KCNAB2: variants seen among roughly 807,000 people sequenced by gnomAD.
The protein encoded by KCNAB2 is voltage-gated potassium channel subunit beta-2.
Under a neutral mutation model 63.6 loss-of-function variants are expected in KCNAB2, and 29 were observed. The observed-to-expected ratio is 0.46, with a 90% CI of 0.34 to 0.62. KCNAB2 has a LOEUF of 0.62. Among genes scored for constraint, KCNAB2 ranks in the 20% least tolerant of loss-of-function variants. The probability of loss-of-function intolerance (pLI) is 0.01; values close to 1 mark genes in which losing one functional copy is unlikely to be tolerated. For missense variants in KCNAB2, 359 were observed against 563.9 expected, an observed-to-expected ratio of 0.64 and a Z score of 3.68; for synonymous variants, 222 against 224.2, an observed-to-expected ratio of 0.99 and a Z score of 0.09.
At position 6,022,922 on chromosome 1, in the gene KCNAB2, A is replaced by G. The variant is rs1570881519; in HGVS notation, c.-52-17595A>G. On this transcript the variant is annotated intron_variant, in intron 1 of 16. Coordinates refer to the KCNAB2 transcript ENST00000341524. ...TTTTTTGAGACAGGGTCTCGCTGTCACCCAGGCTGGAGGGCAGTGGCGCGA... is the reference window on the plus strand; with the variant it reads ...TTTTTTGAGACAGGGTCTCGCTGTCGCCCAGGCTGGAGGGCAGTGGCGCGA... 2.5e-5 allele frequency among the ~76,000 whole-genome samples: 3 copies of G among 122,350 alleles called. No individual in the cohort carries two copies. In the South Asian group the frequency reaches 7.4e-4, roughly 30 times the overall value. The allele number at this position is 122,350 out of a possible 152,430, so 80.3% of individuals were successfully genotyped here. A position where few individuals can be genotyped will look rare whatever the true frequency, so the allele number is the denominator to read the frequency against.
Position 6,096,505 on chromosome 1 carries a change from G to T in KCNAB2, c.949-131G>T. ...GGCCTGGGGCAGGGGCACTGCCCTG[G>T]CTTCAAGATGAGAAGAGCCCCTATG... On this transcript the variant is annotated intron_variant, in intron 13 of 15. Coordinates refer to ENST00000378083, the MANE Select transcript of KCNAB2 (RefSeq NM_001199862.2). The surrounding 1 kb of genome is among the most constrained non-coding windows in gnomAD (Gnocchi z 5.9). 7.1e-6 allele frequency: 9 copies of T among 1,270,464 alleles called. No homozygotes were observed. Among genetic ancestry groups the T allele is most frequent in the Non-Finnish European group, 9.6e-6 (9 of 935,868 alleles). The allele number at this position is 1,270,464 out of a possible 1,614,324, so 78.7% of individuals were successfully genotyped here.
At chr1:6,065,332 C>A (rs1662655856) in intron 2 of KCNAB2, among the ~76,000 whole-genome samples, 1 of 152,244 alleles carries the variant, frequency 6.6e-6, no homozygotes. Context: ...CCAGCCAAGG[C>A]AGGCGGCTTG....
At position 6,096,136 on chromosome 1, in the gene KCNAB2, C is replaced by G. The variant is rs1375863418; in HGVS notation, c.949-500C>G. 1.1e-5 allele frequency: 5 copies of G among 457,534 alleles called. No homozygotes were observed. The highest frequency in any genetic ancestry group is 2.2e-5 in the Non-Finnish European group (5 of 227,910). 28.3% of individuals were successfully genotyped at this position (457,534 alleles called of 1,614,324 possible). On this transcript the variant is annotated intron_variant, in intron 13 of 15. Transcript: ENST00000378083. This position sits in a 1 kb window ranked among gnomAD's most constrained non-coding sequence, Gnocchi z 5.9. Reference sequence around the variant, plus strand: ...GTCTGCCCAGCCAGCAGTCTCAGCACTGGGGCCCACAGCCCTGGGTTCCAG... The same window carrying G: ...GTCTGCCCAGCCAGCAGTCTCAGCAGTGGGGCCCACAGCCCTGGGTTCCAG...
upstream of KCNAB2, among the ~76,000 whole-genome samples, chr1:6,030,763 C>T (rs537902022): frequency 2.3e-4 from 28 of 121,472 alleles, no homozygotes; most frequent in African/African-American, 3.3e-4. Context: ...TGTATGTGTA[C>T]GTGTGTGTAG....
At chr1:6,082,870 C>A (rs183862674) in intron 5 of KCNAB2, among the ~76,000 whole-genome samples, 2 of 152,240 alleles carry the variant, frequency 1.3e-5, no homozygotes, top group Non-Finnish European at 2.9e-5. Context: ...CTTCTGCCCC[C>A]CTCCTGCCTG....
At chr1:6,000,433 T>A (rs1199517367) in intron 1 of KCNAB2, among the ~76,000 whole-genome samples, 2 of 152,126 alleles carry the variant, frequency 1.3e-5, no homozygotes, top group African/African-American at 2.4e-5. Flanking sequence ...CCTTCGTGCT[T>A]ACAAGGCAGT....
In KCNAB2 at chr1:6,096,081, G is replaced by A. The variant is rs772743835; in HGVS notation, c.948+457G>A. The stretch of plus-strand genomic sequence containing the variant: ...ACTCAGGAGGGTCCCCAGACTGCAG[G>A]ATCTGGAGAACAAGGAGCAGGCCAA... On this transcript the variant is annotated intron_variant, in intron 13 of 15. Transcript: ENST00000378083. This position sits in a 1 kb window ranked among gnomAD's most constrained non-coding sequence, Gnocchi z 5.9. 8 of 458,148 alleles carry A rather than the reference G, an allele frequency of 1.7e-5. No homozygotes were observed. Among genetic ancestry groups the A allele is most frequent in the Non-Finnish European group, 3.1e-5 (7 of 228,370 alleles). The allele number at this position is 458,148 out of a possible 1,614,324, so 28.4% of individuals were successfully genotyped here.
chr1:6,089,995 C>T (rs1571089867), intron 8 of KCNAB2, among the ~76,000 whole-genome samples: 1 of 152,260 alleles, frequency 6.6e-6, no homozygotes, highest in Non-Finnish European at 1.5e-5. Flanking sequence ...GGCCACCACG[C>T]CCGACCATAG....
In KCNAB2 at chr1:6,098,526, T is replaced by C. The variant is rs1159831740; in HGVS notation, c.1200T>C (p.Asp400=). 1.1e-5 allele frequency: 17 copies of C among 1,613,882 alleles called. No homozygotes were observed. Among genetic ancestry groups the C allele is most frequent in the Non-Finnish European group, 1.4e-5 (16 of 1,179,992 alleles). Residue 400 remains aspartate (D), a synonymous_variant, in exon 16 of 16, where the codon GAT becomes GAC. Transcript: ENST00000378083. ...KLSSSIIHEI[D]SILGNKPYSK... is the part of the protein sequence containing the mutation. Reference sequence around the variant, plus strand: ...CATCTTCCATTATCCACGAGATTGATAGTATTTTGGGCAATAAACCCTACA... The same window carrying C: ...CATCTTCCATTATCCACGAGATTGACAGTATTTTGGGCAATAAACCCTACA...
chr1:6,056,292 G>A (rs1282009533), intron 2 of KCNAB2, among the ~76,000 whole-genome samples: 10 of 151,982 alleles, frequency 6.6e-5, no homozygotes, highest in African/African-American at 1.2e-4. Flanking sequence ...TGACCCACTC[G>A]CCTCGGCCTC....
In KCNAB2 at chr1:6,100,616, C is replaced by T; in HGVS notation, c.*2042C>T. On this transcript the variant is annotated 3_prime_UTR_variant, in exon 16 of 16. Transcript: ENST00000378083. Reference sequence around the variant, plus strand: ...GGGCACTGCTGCTTAATGCGAGGCACACCTGGGGCAGCTGAGCCCCCAAAG... The same window carrying T: ...GGGCACTGCTGCTTAATGCGAGGCATACCTGGGGCAGCTGAGCCCCCAAAG... 1 of 132,834 alleles carries T rather than the reference C, an allele frequency of 7.5e-6. No homozygotes were observed. Among genetic ancestry groups the T allele is most frequent in the Non-Finnish European group, 1.6e-5 (1 of 62,006 alleles). 8.2% of individuals were successfully genotyped at this position (132,834 alleles called of 1,614,324 possible).
chr1:6,031,924 C>T (rs910036430), upstream of KCNAB2, among the ~76,000 whole-genome samples: 15 of 152,144 alleles, frequency 9.9e-5, no homozygotes, highest in South Asian at 2.7e-3. This position sits in a 1 kb window ranked among gnomAD's most constrained non-coding sequence, Gnocchi z 4.1. Flanking sequence ...CATGGGGCAG[C>T]GTGGAGAGGA....
Position 6,086,286 on chromosome 1 carries a change from C to G in KCNAB2, c.425+1038C>G, listed in dbSNP as rs2100740007. 5.1e-6 allele frequency: 5 copies of G among 985,064 alleles called. No homozygotes were observed. The South Asian group carries it at 2.3e-4, about 46-fold the overall frequency. 61.0% of individuals were successfully genotyped at this position (985,064 alleles called of 1,614,324 possible). On this transcript the variant is annotated intron_variant, in intron 6 of 15. Transcript: ENST00000378083. The surrounding 1 kb of genome is among the most constrained non-coding windows in gnomAD (Gnocchi z 4.2). ...ATTCCTGACACCCCTTCCTCTTGTC[C>G]CATCAAATTTGTTTTTTGGCAACTC...
chr1:6,072,883 G>A, intron 3 of KCNAB2, 85 bp downstream of exon 3: 8 of 1,362,782 alleles, frequency 5.9e-6, no homozygotes, highest in Non-Finnish European at 8.2e-6. Context: ...CCCCTTGGGA[G>A]GCAGGGTGGC....
rs189908738 is a variant in KCNAB2, at chr1:6,005,382, C to G, written c.-53+12594C>G. Among the ~76,000 whole-genome samples the G allele has an allele frequency of 6.0e-3, 15 of 2,494 alleles. 2 individuals are homozygous for G. The highest frequency in any genetic ancestry group is 0.014 in the African/African-American group (5 of 352). 1.6% of individuals were successfully genotyped at this position (2,494 alleles called of 152,430 possible). Reference sequence around the variant, plus strand: ...AGCTGAGCTGAGGAGTGAGGGTGAACTGGGGGATGTGGGAGCTGAGCTGAG... The same window carrying G: ...AGCTGAGCTGAGGAGTGAGGGTGAAGTGGGGGATGTGGGAGCTGAGCTGAG... On this transcript the variant is annotated intron_variant, in intron 1 of 16. Transcript: ENST00000341524.
At chr1:6,090,603 TC>T in intron 9 of KCNAB2, 128 bp downstream of exon 9, 1 of 685,772 alleles carries the variant, frequency 1.5e-6, no homozygotes, top group Non-Finnish European at 2.5e-6. Flanking sequence ...GGAGGCCGGG[TC>T]CAGGGTGGGG....
upstream of KCNAB2, among the ~76,000 whole-genome samples, chr1:6,029,894 A>C (rs181667412): frequency 6.6e-5 from 10 of 152,382 alleles, no homozygotes; most frequent in African/African-American, 2.4e-4. Context: ...ATGTGCAGTC[A>C]GCACTGGCAA....
At chr1:6,066,134 C>A (rs968291648) in intron 2 of KCNAB2, among the ~76,000 whole-genome samples, 4 of 152,194 alleles carry the variant, frequency 2.6e-5, no homozygotes, top group Non-Finnish European at 5.9e-5. Flanking sequence ...GCTGGGCCGA[C>A]CGGCGGCCAG....
intron 2 of KCNAB2, among the ~76,000 whole-genome samples, chr1:6,055,599 G>A (rs1661750344): frequency 6.6e-6 from 1 of 152,090 alleles, no homozygotes; most frequent in Non-Finnish European, 1.5e-5. Context: ...CAGGTGATCT[G>A]CCCACCTTGG....
Sources: allele counts gnomAD v4.1 joint callset (sites outside exome capture counted in the v4.1 genomes callset), GRCh38; gene constraint gnomAD v4.1.1; non-coding constraint Gnocchi (gnomAD v3.1); transcripts MANE v1.5; gene names NCBI Gene and HGNC (gene_info 2026-07-23, HGNC 2026-07-21).